The following IPO11 variants were observed in gnomAD, a reference collection of about 807,000 sequenced individuals.
The protein encoded by IPO11 is importin-11.
A neutral mutation model predicts 143.2 loss-of-function variants in IPO11; 66 were observed. That is an observed-to-expected ratio of 0.46 (90% confidence interval 0.38 to 0.57). The LOEUF (loss-of-function observed/expected upper bound fraction) is 0.57, where lower values mean the gene tolerates loss of function less well. IPO11 is among the 20% of genes least tolerant of loss of function. The pLI, the probability that IPO11 is intolerant of heterozygous loss-of-function variation, is 0.00. For missense variants in IPO11, 1,026 were observed against 1,141.0 expected, an observed-to-expected ratio of 0.90 and a Z score of 1.45; for synonymous variants, 385 against 377.8, an observed-to-expected ratio of 1.02 and a Z score of -0.22.
intron 24 of IPO11, among the ~76,000 whole-genome samples, chr5:62,545,788 G>A (rs1461939453): frequency 6.6e-6 from 1 of 152,116 alleles, no homozygotes. Flanking sequence ...GTGGGTGAAG[G>A]ATATGAACAG....
intron 3 of IPO11, among the ~76,000 whole-genome samples, chr5:62,445,776 T>C (rs1744698753): frequency 6.6e-6 from 1 of 152,178 alleles, no homozygotes; most frequent in African/African-American, 2.4e-5. Flanking sequence ...ATATATTAAA[T>C]AAATTTTTGA....
chr5:62,626,375 A>C (rs1746577572), intron 29 of IPO11, among the ~76,000 whole-genome samples: 2 of 152,156 alleles, frequency 1.3e-5, no homozygotes, highest in African/African-American at 2.4e-5. Context: ...TTAAGAAACC[A>C]ACATCGGTGC....
chr5:62,435,144 G>GTATATATGTA (rs1554047220), intron 1 of IPO11, among the ~76,000 whole-genome samples: 845 of 64,352 alleles, frequency 0.013, 25 homozygotes, highest in African/African-American at 0.048. Context: ...ATGTATATAT[G>GTATATATGTA]TATATATGTA....
intron 13 of IPO11, among the ~76,000 whole-genome samples, chr5:62,488,394 C>G (rs569605161): frequency 1.3e-5 from 2 of 152,104 alleles, no homozygotes; most frequent in African/African-American, 2.4e-5. Context: ...ATATTTTATT[C>G]CCAGTGCTGG....
rs114410272 is a variant in IPO11, at chr5:62,608,342, A to G, written c.2763+6494A>G. On this transcript the variant is annotated intron_variant, in intron 29 of 29. Coordinates refer to ENST00000325324, the MANE Select transcript of IPO11 (RefSeq NM_016338.5). ...ATAGCCCTCACCCTCTCTATTTCAG[A>G]CTTACTGTATCTGGGGGCCTGGGAA... Among the ~76,000 whole-genome samples, 763 of 152,142 alleles carry G rather than the reference A, an allele frequency of 5.0e-3. 7 individuals are homozygous for G. Among genetic ancestry groups the G allele is most frequent in the African/African-American group, 0.017 (719 of 41,492 alleles).
chr5:62,461,233 TG>T (rs1745346325), intron 5 of IPO11, among the ~76,000 whole-genome samples: 1 of 151,402 alleles, frequency 6.6e-6, no homozygotes, highest in Non-Finnish European at 1.5e-5. Flanking sequence ...GGTGGGAGGT[TG>T]GGGGGATGGG....
chr5:62,431,383 G>GC (rs1554046925), intron 1 of IPO11, among the ~76,000 whole-genome samples: 1 of 150,462 alleles, frequency 6.6e-6, no homozygotes, highest in Non-Finnish European at 1.5e-5. Context: ...AAATTCCAGG[G>GC]CAATTTTTTG....
In IPO11 at chr5:62,449,907, ATACT is replaced by A. The variant is rs1410226393; in HGVS notation, c.240-18_240-15del. The A allele has an allele frequency of 7.0e-7, 1 of 1,432,350 alleles. No individual in the cohort carries two copies. The highest frequency in any genetic ancestry group is 9.3e-7 in the Non-Finnish European group (1 of 1,076,890). 88.7% of individuals were successfully genotyped at this position (1,432,350 alleles called of 1,614,324 possible). ...TAGGTGGCATTCTTTTGCATAATCA[ATACT>A]TTTTTTTTTTTACAGTGCTCTCTCA... On this transcript the variant is annotated splice_polypyrimidine_tract_variant and intron_variant, in intron 3 of 29. Coordinates refer to ENST00000325324, the MANE Select transcript of IPO11 (RefSeq NM_016338.5).
intron 28 of IPO11, among the ~76,000 whole-genome samples, chr5:62,598,543 TCTTTTCTTTC>T (rs1745368989): frequency 8.6e-5 from 2 of 23,294 alleles, no homozygotes; most frequent in African/African-American, 6.0e-4. Flanking sequence ...TTCTTTTCTT[TCTTTTCTTTC>T]TTTTTTTTTT....
intron 3 of IPO11, among the ~76,000 whole-genome samples, chr5:62,448,252 T>C (rs1744789257): frequency 6.6e-6 from 1 of 151,952 alleles, no homozygotes; most frequent in African/African-American, 2.4e-5. Context: ...TGGGTGTGCT[T>C]GACAAAGGAA....
chr5:62,582,414 C>T (rs1203381438), intron 27 of IPO11, among the ~76,000 whole-genome samples: 1 of 152,096 alleles, frequency 6.6e-6, no homozygotes, highest in Non-Finnish European at 1.5e-5. Context: ...GCTGTATTCA[C>T]TAAGCTAGGG....
intron 1 of IPO11, among the ~76,000 whole-genome samples, chr5:62,416,715 C>CTTT (rs11295932): frequency 9.7e-5 from 14 of 144,138 alleles, no homozygotes; most frequent in African/African-American, 1.5e-4. Flanking sequence ...CTCTTATTAT[C>CTTT]TTTTTTTTTT....
intron 25 of IPO11, among the ~76,000 whole-genome samples, chr5:62,550,780 T>C (rs1403878250): frequency 3.3e-5 from 5 of 152,030 alleles, no homozygotes; most frequent in African/African-American, 1.2e-4. Context: ...AATGTTCTTA[T>C]AGACTGAATA....
intron 27 of IPO11, chr5:62,581,375 A>G (rs1313339110): frequency 1.8e-6 from 2 of 1,134,296 alleles, no homozygotes; most frequent in Non-Finnish European, 1.2e-6. Context: ...ACCTCCTTAT[A>G]TAATTATATA....
intron 1 of IPO11, among the ~76,000 whole-genome samples, chr5:62,415,015 G>A (rs764539731): frequency 1.3e-5 from 2 of 152,148 alleles, no homozygotes; most frequent in Non-Finnish European, 2.9e-5. Flanking sequence ...GTCAGAGCTT[G>A]TTATATTAAA....
intron 26 of IPO11, among the ~76,000 whole-genome samples, chr5:62,556,670 TAA>T (rs1580321710): frequency 1.3e-5 from 2 of 152,038 alleles, no homozygotes; most frequent in East Asian, 3.9e-4. Flanking sequence ...ATTCTGTCTC[TAA>T]AAAAAAGTTT....
chr5:62,423,128 C>T (rs1051388024), intron 1 of IPO11, among the ~76,000 whole-genome samples: 1 of 152,148 alleles, frequency 6.6e-6, no homozygotes, highest in African/African-American at 2.4e-5. Flanking sequence ...ACTGTTCATA[C>T]ATTCATTCAT....
chr5:62,439,284 G>GTTTTTTT (rs1226593063), intron 2 of IPO11, among the ~76,000 whole-genome samples: 22 of 90,942 alleles, frequency 2.4e-4, no homozygotes, highest in South Asian at 8.6e-4. Flanking sequence ...AACTGCGTAG[G>GTTTTTTT]TTTTTTTTTT....
intron 20 of IPO11, among the ~76,000 whole-genome samples, chr5:62,518,917 G>C (rs1742118588): frequency 6.6e-6 from 1 of 152,176 alleles, no homozygotes; most frequent in South Asian, 2.1e-4. Context: ...CAAATGAATA[G>C]AATGGGATCT....
Sources: allele counts gnomAD v4.1 joint callset (sites outside exome capture counted in the v4.1 genomes callset), GRCh38; gene constraint gnomAD v4.1.1; transcripts MANE v1.5; gene names NCBI Gene and HGNC (gene_info 2026-07-23, HGNC 2026-07-21).